Variants in BMAL1 observed in about 807,000 individuals in gnomAD.
BMAL1 encodes the protein basic helix-loop-helix ARNT like 1, also known as basic helix-loop-helix ARNT-like protein 1.
At chr11:13,354,316 A>G in the BMAL1 span, 1 of 1,607,606 alleles carries the variant, frequency 6.2e-7, no homozygotes, top group East Asian at 2.2e-5. Flanking sequence ...CCAATGGCAG[A>G]CCAGAGAATG....
the BMAL1 span, among the ~76,000 whole-genome samples, chr11:13,337,983 CT>C: frequency 6.6e-6 from 1 of 152,084 alleles, no homozygotes; most frequent in Admixed American, 6.5e-5. Context: ...CGAAACAACA[CT>C]GACTAGCATG....
chr11:13,319,653 G>A, the BMAL1 span, among the ~76,000 whole-genome samples: 21 of 152,230 alleles, frequency 1.4e-4, no homozygotes, highest in Middle Eastern at 3.4e-3. Flanking sequence ...CATCCTGCAA[G>A]GTGACAAAAA....
At chr11:13,321,039 G>A in the BMAL1 span, among the ~76,000 whole-genome samples, 421 of 152,270 alleles carry the variant, frequency 2.8e-3, 3 homozygotes, top group African/African-American at 9.0e-3. Flanking sequence ...CCTTGCCAAT[G>A]CACTGATATA....
At chr11:13,353,685 G>T in the BMAL1 span, among the ~76,000 whole-genome samples, 1 of 152,126 alleles carries the variant, frequency 6.6e-6, no homozygotes, top group Non-Finnish European at 1.5e-5. Flanking sequence ...AGGTGTGGTG[G>T]TGTATGCCTT....
At chr11:13,356,611 G>C in the BMAL1 span, 6 of 1,026,830 alleles carry the variant, frequency 5.8e-6, no homozygotes, top group African/African-American at 9.7e-5. Context: ...ATCATTAATT[G>C]ATACTGTGGC....
chr11:13,316,089 C>T, the BMAL1 span, among the ~76,000 whole-genome samples: 4 of 152,332 alleles, frequency 2.6e-5, no homozygotes, highest in East Asian at 7.7e-4. Context: ...AAAGGGGCCC[C>T]CTTTGTCTCT....
the BMAL1 span, among the ~76,000 whole-genome samples, chr11:13,330,079 T>G: frequency 1.3e-5 from 2 of 152,240 alleles, no homozygotes; most frequent in Non-Finnish European, 2.9e-5. Context: ...CACTTACCTC[T>G]GAATTGTAAT....
At chr11:13,365,044 G>A in the BMAL1 span, among the ~76,000 whole-genome samples, 290 of 152,234 alleles carry the variant, frequency 1.9e-3, 3 homozygotes, top group African/African-American at 6.8e-3. Context: ...CTCCCTGTAC[G>A]TGGAGGTTTT....
the BMAL1 span, among the ~76,000 whole-genome samples, chr11:13,299,988 A>G: frequency 1.6e-4 from 24 of 152,168 alleles, no homozygotes; most frequent in Non-Finnish European, 3.2e-4. Flanking sequence ...CCAGAGATGG[A>G]TTCGTTCTGC....
the BMAL1 span, among the ~76,000 whole-genome samples, chr11:13,355,848 C>T: frequency 6.6e-6 from 1 of 152,224 alleles, no homozygotes; most frequent in Non-Finnish European, 1.5e-5. Context: ...TCCAGTGCTC[C>T]TAGAAACAGC....
chr11:13,372,424 A>G, the BMAL1 span: 3 of 1,613,084 alleles, frequency 1.9e-6, no homozygotes, highest in East Asian at 2.2e-5. Flanking sequence ...GAGTCTACAT[A>G]CTACCCTTGA....
At chr11:13,300,999 G>A in the BMAL1 span, among the ~76,000 whole-genome samples, 14 of 152,304 alleles carry the variant, frequency 9.2e-5, no homozygotes, top group African/African-American at 2.9e-4. Flanking sequence ...GTGCAGTGGC[G>A]TGATCTTGGC....
At chr11:13,369,274 C>T in the BMAL1 span, among the ~76,000 whole-genome samples, 2 of 152,374 alleles carry the variant, frequency 1.3e-5, no homozygotes, top group African/African-American at 4.8e-5. Flanking sequence ...ACTAATCATA[C>T]ATCACCCTGT....
chr11:13,357,912 A>G, the BMAL1 span, among the ~76,000 whole-genome samples: 1 of 152,064 alleles, frequency 6.6e-6, no homozygotes, highest in African/African-American at 2.4e-5. The surrounding 1 kb of genome is among the most constrained non-coding windows in gnomAD (Gnocchi z 4.8). Flanking sequence ...CTAGGTGGGG[A>G]CCTAGTTTTG....
At chr11:13,323,836 C>T in the BMAL1 span, among the ~76,000 whole-genome samples, 21 of 152,236 alleles carry the variant, frequency 1.4e-4, no homozygotes, top group Admixed American at 3.3e-4. Context: ...AGGCTGGTCT[C>T]AAACTCCTGA....
At chr11:13,358,848 T>A in the BMAL1 span, among the ~76,000 whole-genome samples, 1 of 152,242 alleles carries the variant, frequency 6.6e-6, no homozygotes, top group Admixed American at 6.5e-5. Context: ...TGTATATGCA[T>A]GTAATCAGGC....
chr11:13,385,811 G>A, the BMAL1 span: 215 of 1,569,268 alleles, frequency 1.4e-4, 1 homozygote, highest in Middle Eastern at 2.7e-3. Context: ...ATCATTATTC[G>A]TTTCCATTGC....
the BMAL1 span, among the ~76,000 whole-genome samples, chr11:13,285,755 TTACA>T: frequency 6.6e-6 from 1 of 152,194 alleles, no homozygotes; most frequent in Non-Finnish European, 1.5e-5. Flanking sequence ...TTGTAAATAC[TTACA>T]TACAGAATTA....
the BMAL1 span, among the ~76,000 whole-genome samples, chr11:13,342,586 T>G: frequency 2.0e-5 from 3 of 152,302 alleles, no homozygotes; most frequent in East Asian, 5.8e-4. Flanking sequence ...CAAGAAGCCC[T>G]GCAGAAGAAA....
Sources: gnomAD v4.1 joint callset for allele counts (sites outside exome capture counted in the v4.1 genomes callset) on GRCh38, gnomAD v4.1.1 for gene constraint, Gnocchi (gnomAD v3.1) non-coding constraint, MANE v1.5 for transcripts, NCBI Gene and HGNC (gene_info 2026-07-23, HGNC 2026-07-21) for gene names.